The following CDIPT variants were observed in gnomAD, a reference collection of about 807,000 sequenced individuals.
CDIPT encodes the protein CDP-diacylglycerol--inositol 3-phosphatidyltransferase.
In CDIPT, 17 loss-of-function variants were observed where a neutral mutation model predicts 21.6. The observed-to-expected ratio is 0.79, with a 90% CI of 0.54 to 1.18. The LOEUF is 1.18. CDIPT is among the 50% of genes most tolerant of loss of function. The probability of loss-of-function intolerance (pLI) is 0.00; values close to 1 mark genes in which losing one functional copy is unlikely to be tolerated. For synonymous variants in CDIPT, 119 were observed against 117.9 expected (o/e 1.01, Z -0.06); for missense variants, 254 against 284.9 (o/e 0.89, Z 0.78).
At position 29,859,195 on chromosome 16, in the gene CDIPT, C is replaced by A; in HGVS notation, c.636G>T (p.Lys212Asn). The change falls in exon 6 of 6, where the codon AAG becomes AAT. Residue 212 changes from lysine to asparagine, a missense_variant. By Grantham distance (94) the Lys-to-Asn change is moderately conservative. Transcript: ENST00000219789. This position sits in a 1 kb window ranked among gnomAD's most constrained non-coding sequence, Gnocchi z 4.5. ...AALDAADRAK[K>N]K The stretch of plus-strand genomic sequence containing the variant: ...AGGACCCGGGGCTCCAGCGTCACTT[C>A]TTCTTGGCGCGGTCTGCTGCGTCCA... 6.3e-7 allele frequency: 1 copy of A among 1,595,772 alleles called. No homozygotes were observed.
intron 2 of CDIPT, chr16:29,861,554 C>T (rs1329592124): frequency 4.7e-6 from 7 of 1,496,576 alleles, no homozygotes; most frequent in East Asian, 2.5e-5. Context: ...GACTTGATGC[C>T]TCAGGGGAAG....
rs1463887415 is a variant in CDIPT, at chr16:29,862,864, G to A, written c.-7C>T. 7 of 1,613,332 alleles carry A rather than the reference G, an allele frequency of 4.3e-6. No individual in the cohort carries two copies. The highest frequency in any genetic ancestry group is 5.1e-6 in the Non-Finnish European group (6 of 1,179,914). On this transcript the variant is annotated 5_prime_UTR_variant, in exon 1 of 6. Coordinates refer to ENST00000219789, the MANE Select transcript of CDIPT (RefSeq NM_006319.5). This position sits in a 1 kb window ranked among gnomAD's most constrained non-coding sequence, Gnocchi z 6.7. The stretch of plus-strand genomic sequence containing the variant: ...AGATATTTTCGTCTGGCATCGCGGC[G>A]CCTCCCTTGCTGCCCCGGGCCTGCT...
chr16:29,862,663 A>G lies in CDIPT; in HGVS notation c.101T>C (p.Leu34Pro). 6.2e-7 allele frequency: 1 copy of G among 1,613,592 alleles called. No homozygotes were observed. The highest frequency in any genetic ancestry group is 8.5e-7 in the Non-Finnish European group (1 of 1,179,744). ...GAGCAGGTAGAAGGAGGAGGCCGTG[A>G]GGGGGCAGCAGGGCATGAAGTAGAA... ...ISFYFMPCCP[L>P]TASSFYLLSG... The change falls in exon 2 of 6, where the codon CTC becomes CCC. Residue 34 changes from leucine (L) to proline (P), a missense_variant. By Grantham distance (98) the Leu-to-Pro change is moderately conservative. Coordinates refer to ENST00000219789, the MANE Select transcript of CDIPT (RefSeq NM_006319.5). This position sits in a 1 kb window ranked among gnomAD's most constrained non-coding sequence, Gnocchi z 6.7.
chr16:29,860,409 G>A lies in CDIPT; in HGVS notation c.414+172C>T, dbSNP rs35042042. Among the ~76,000 whole-genome samples the A allele has an allele frequency of 0.097, 14,733 of 152,164 alleles. 1,002 individuals are homozygous for A. Among genetic ancestry groups the A allele is most frequent in the Non-Finnish European group, 0.14 (9,402 of 68,000 alleles). ...TTGTTCCCTGGAGTAATTCACACAGGCCTTCCCCACCAATCCTCCTCCTCC... is the reference window on the plus strand; with the variant it reads ...TTGTTCCCTGGAGTAATTCACACAGACCTTCCCCACCAATCCTCCTCCTCC... On this transcript the variant is annotated intron_variant, in intron 4 of 5. Coordinates refer to ENST00000219789, the MANE Select transcript of CDIPT (RefSeq NM_006319.5).
At position 29,858,826 on chromosome 16, in the gene CDIPT, G is replaced by C. The variant is rs1699557003; in HGVS notation, c.*363C>G. The C allele has an allele frequency of 4.2e-6, 1 of 239,952 alleles. No individual in the cohort carries two copies. Among genetic ancestry groups the C allele is most frequent in the African/African-American group, 2.3e-5 (1 of 43,170 alleles). The allele number at this position is 239,952 out of a possible 1,614,324, so 14.9% of individuals were successfully genotyped here. ...GTGCCCCAAGCTTGCTCTGGCTGGG[G>C]GCGGAGGTCTGACTCCCGCCTTTCA... On this transcript the variant is annotated 3_prime_UTR_variant, in exon 6 of 6. Transcript: ENST00000219789.
chr16:29,861,233 T>C lies in CDIPT; in HGVS notation c.205A>G (p.Met69Val), dbSNP rs760469996. The C allele has an allele frequency of 3.7e-6, 6 of 1,614,216 alleles. No homozygotes were observed. Among genetic ancestry groups the C allele is most frequent in the Non-Finnish European group, 5.1e-6 (6 of 1,180,040 alleles). The change falls in exon 3 of 6, where the codon ATG becomes GTG. Residue 69 changes from methionine to valine, a missense_variant. Physicochemically the swap from Met to Val is conservative, Grantham distance 21. Transcript: ENST00000219789. ...ATGGTGGAGCAGCGGTCCGTCAGCA[T>C]GTCCAGCATGGCCCCAAACCGGGTT... ...QGTRFGAMLDMLTDRCSTMCL... is the reference protein window; with the variant it reads ...QGTRFGAMLDVLTDRCSTMCL...
At chr16:29,861,318 T>C in intron 2 of CDIPT, 59 bp from the exon 3 acceptor site, 1 of 1,603,922 alleles carries the variant, frequency 6.2e-7, no homozygotes, top group East Asian at 2.3e-5. Flanking sequence ...CAGGTGCCCA[T>C]ATTTGGTTTA....
intron 3 of CDIPT, 62 bp downstream of exon 3, chr16:29,861,044 A>T: frequency 3.2e-6 from 5 of 1,562,044 alleles, no homozygotes; most frequent in Non-Finnish European, 2.6e-6. Context: ...CCTTCCGTCT[A>T]GGCTCAGCCC....
At position 29,862,301 on chromosome 16, in the gene CDIPT, A is replaced by G. The variant is rs1375748789; in HGVS notation, c.178+285T>C. On this transcript the variant is annotated intron_variant, in intron 2 of 5. Coordinates refer to ENST00000219789, the MANE Select transcript of CDIPT (RefSeq NM_006319.5). This position sits in a 1 kb window ranked among gnomAD's most constrained non-coding sequence, Gnocchi z 6.7. Reference sequence around the variant, plus strand: ...GCCGGGTGTGGTGGCACGCTCCTGTAGTCCCAGCTAGTCAGGAGGCTGAGG... The same window carrying G: ...GCCGGGTGTGGTGGCACGCTCCTGTGGTCCCAGCTAGTCAGGAGGCTGAGG... Among the ~76,000 whole-genome samples the G allele has an allele frequency of 6.6e-6, 1 of 152,156 alleles. No individual in the cohort carries two copies. Among genetic ancestry groups the G allele is most frequent in the Admixed American group, 6.5e-5 (1 of 15,272 alleles).
In CDIPT at chr16:29,861,436, T is replaced by C. The variant is rs75646516; in HGVS notation, c.179-177A>G. On this transcript the variant is annotated intron_variant, in intron 2 of 5. Transcript: ENST00000219789. ...TGAGGTCAGTGGGCAAAGGTCACCA[T>C]GGCATGAACTGAGAAAGGCATGAGA... 6.3e-3 allele frequency: 9,644 copies of C among 1,539,090 alleles called. 521 individuals carry two copies. In the African/African-American group the frequency reaches 0.11, roughly 18 times the overall value.
In CDIPT at chr16:29,859,966, C is replaced by T. The variant is rs1430914196; in HGVS notation, c.415-443G>A. Among the ~76,000 whole-genome samples the T allele has an allele frequency of 6.6e-6, 1 of 152,160 alleles. No homozygotes were observed. Among genetic ancestry groups the T allele is most frequent in the Non-Finnish European group, 1.5e-5 (1 of 68,034 alleles). ...GTTGCAGTGAGCCGATAACCCGCCA[C>T]TGAACTCCAGCCTGGGTGACAGAGC... On this transcript the variant is annotated intron_variant, in intron 4 of 5. Coordinates refer to ENST00000219789, the MANE Select transcript of CDIPT (RefSeq NM_006319.5). The surrounding 1 kb of genome is among the most constrained non-coding windows in gnomAD (Gnocchi z 4.5).
Position 29,862,621 on chromosome 16 carries a change from G to C in CDIPT, c.143C>G (p.Ala48Gly), listed in dbSNP as rs768753328. The C allele has an allele frequency of 1.2e-6, 2 of 1,601,770 alleles. No homozygotes were observed. Among genetic ancestry groups the C allele is most frequent in the Non-Finnish European group, 1.7e-6 (2 of 1,174,156 alleles). Reference protein sequence around the residue: ...SFYLLSGLLDAFDGHAARALN... With the variant: ...SFYLLSGLLDGFDGHAARALN... ...AGCGCGAGCAGCGTGTCCATCGAAAGCGTCCAGCAGGCCGCTGAGCAGGTA... is the reference window on the plus strand; with the variant it reads ...AGCGCGAGCAGCGTGTCCATCGAAACCGTCCAGCAGGCCGCTGAGCAGGTA... The change falls in exon 2 of 6, where the codon GCT (alanine) becomes GGT (glycine). Residue 48 changes from alanine (A) to glycine (G), a missense_variant. Transcript: ENST00000219789. This position sits in a 1 kb window ranked among gnomAD's most constrained non-coding sequence, Gnocchi z 6.7.
At chr16:29,861,538 GAT>G in intron 2 of CDIPT, 1 of 1,525,492 alleles carries the variant, frequency 6.6e-7, no homozygotes, top group African/African-American at 1.4e-5. Context: ...TCCAGGGCTA[GAT>G]AGAGACTTGA....
chr16:29,860,239 C>T (rs1460201212), intron 4 of CDIPT, among the ~76,000 whole-genome samples: 1 of 152,170 alleles, frequency 6.6e-6, no homozygotes, highest in African/African-American at 2.4e-5. Context: ...GCATGAGCCA[C>T]CATGCCCAGC....
In CDIPT at chr16:29,862,960, ACC is replaced by A. The variant is rs2067696742; in HGVS notation, c.-105_-104del. The A allele has an allele frequency of 7.4e-7, 1 of 1,352,348 alleles. No individual in the cohort carries two copies. Among genetic ancestry groups the A allele is most frequent in the African/African-American group, 1.4e-5 (1 of 69,346 alleles). The allele number at this position is 1,352,348 out of a possible 1,614,324, so 83.8% of individuals were successfully genotyped here. On this transcript the variant is annotated 5_prime_UTR_variant, in exon 1 of 6. The change creates a new upstream start codon in the 5' untranslated region. Coordinates refer to ENST00000219789, the MANE Select transcript of CDIPT (RefSeq NM_006319.5). This position sits in a 1 kb window ranked among gnomAD's most constrained non-coding sequence, Gnocchi z 6.7. The stretch of plus-strand genomic sequence containing the variant: ...TCCGGCCCGGCGCATCGGCCGCACC[ACC>A]TGCGCCCTGGACCCCGCCGCCCCAA...
In CDIPT at chr16:29,859,459, A is replaced by C; in HGVS notation, c.479T>G (p.Phe160Cys). 1 of 1,613,098 alleles carries C rather than the reference A, an allele frequency of 6.2e-7. No homozygotes were observed. The highest frequency in any genetic ancestry group is 8.5e-7 in the Non-Finnish European group (1 of 1,179,316). ...TCTCCTACCTAAAGGTCCCTCAGAG[A>C]AATGGAACAGGTAGAGGAGGCAGTA... is the stretch of plus-strand genomic sequence containing the variant. ...LFYCLLYLFH[F>C]SEGPLVGSVG... Residue 160 changes from phenylalanine to cysteine, a missense_variant, in exon 5 of 6, where the codon TTC becomes TGC. Transcript: ENST00000219789. The surrounding 1 kb of genome is among the most constrained non-coding windows in gnomAD (Gnocchi z 4.5).
rs2067654305 is a variant in CDIPT, at chr16:29,858,831, A to G, written c.*358T>C. On this transcript the variant is annotated 3_prime_UTR_variant, in exon 6 of 6. Coordinates refer to ENST00000219789, the MANE Select transcript of CDIPT (RefSeq NM_006319.5). ...CCAAGCTTGCTCTGGCTGGGGGCGG[A>G]GGTCTGACTCCCGCCTTTCAGGAAA... 8.3e-6 allele frequency: 2 copies of G among 241,940 alleles called. No individual in the cohort carries two copies. Among genetic ancestry groups the G allele is most frequent in the East Asian group, 1.2e-4 (1 of 8,640 alleles). 15.0% of individuals were successfully genotyped at this position (241,940 alleles called of 1,614,324 possible). A position where few individuals can be genotyped will look rare whatever the true frequency, so the allele number is the denominator to read the frequency against.
chr16:29,862,906 T>C lies in CDIPT; in HGVS notation c.-49A>G. The C allele has an allele frequency of 6.2e-7, 1 of 1,602,764 alleles. No individual in the cohort carries two copies. Among genetic ancestry groups the C allele is most frequent in the South Asian group, 1.1e-5 (1 of 90,686 alleles). On this transcript the variant is annotated 5_prime_UTR_variant, in exon 1 of 6. Transcript: ENST00000219789. This position sits in a 1 kb window ranked among gnomAD's most constrained non-coding sequence, Gnocchi z 6.7. The stretch of plus-strand genomic sequence containing the variant: ...GGGCCTGCTCTGGAGATGCCAGTGC[T>C]GTCCCAGCCCCGCAGCGCGGCCTCA...
At position 29,859,579 on chromosome 16, in the gene CDIPT, GC is replaced by G. The variant is rs1034578987; in HGVS notation, c.415-57del. Reference sequence around the variant, plus strand: ...AAGAGGCAGGCGTGTGCCACCCCCTGCCCCCCCAGCACTAATGAAGGCACAA... The same window carrying G: ...AAGAGGCAGGCGTGTGCCACCCCCTGCCCCCCAGCACTAATGAAGGCACAA... On this transcript the variant is annotated intron_variant, in intron 4 of 5. Transcript: ENST00000219789. The surrounding 1 kb of genome is among the most constrained non-coding windows in gnomAD (Gnocchi z 4.5). The G allele has an allele frequency of 7.8e-6, 9 of 1,146,726 alleles. No homozygotes were observed. Among genetic ancestry groups the G allele is most frequent in the African/African-American group, 1.5e-5 (1 of 65,540 alleles). 71.0% of individuals were successfully genotyped at this position (1,146,726 alleles called of 1,614,324 possible). A position where few individuals can be genotyped will look rare whatever the true frequency, so the allele number is the denominator to read the frequency against.
Sources: gnomAD v4.1 joint callset for allele counts (sites outside exome capture counted in the v4.1 genomes callset) on GRCh38, gnomAD v4.1.1 for gene constraint, Gnocchi (gnomAD v3.1) non-coding constraint, MANE v1.5 for transcripts, NCBI Gene and HGNC (gene_info 2026-07-23, HGNC 2026-07-21) for gene names.